ANKFY1: variants seen among roughly 807,000 people sequenced by gnomAD.
ANKFY1 encodes the protein ankyrin repeat and FYVE domain-containing protein 1.
In ANKFY1, 47 loss-of-function variants were observed where a neutral mutation model predicts 128.3. The ratio of observed to expected loss-of-function variants is 0.37; its 90% CI spans 0.29 to 0.47. The LOEUF (loss-of-function observed/expected upper bound fraction) is 0.47, where lower values mean the gene tolerates loss of function less well. Among genes scored for constraint, ANKFY1 ranks in the 20% least tolerant of loss-of-function variants. The pLI, the probability that ANKFY1 is intolerant of heterozygous loss-of-function variation, is 1.00. For missense variants in ANKFY1, 1,222 were observed against 1,510.6 expected, an observed-to-expected ratio of 0.81 and a Z score of 3.17; for synonymous variants, 553 against 601.6, an observed-to-expected ratio of 0.92 and a Z score of 1.18.
intron 2 of ANKFY1, among the ~76,000 whole-genome samples, chr17:4,238,152 T>TAAAA (rs55944256): frequency 2.2e-5 from 2 of 92,690 alleles, no homozygotes; most frequent in South Asian, 4.2e-4. Flanking sequence ...CTTATTTATT[T>TAAAA]AAAAAAAAAA....
At chr17:4,227,168 C>A (rs1332119212) in intron 3 of ANKFY1, among the ~76,000 whole-genome samples, 2 of 151,994 alleles carry the variant, frequency 1.3e-5, no homozygotes, top group African/African-American at 4.8e-5. Flanking sequence ...GCAATAACAT[C>A]AATCTTAGAA....
chr17:4,180,048 T>C (rs1169188273), intron 16 of ANKFY1, 171 bp from the exon 17 acceptor site: 3 of 789,790 alleles, frequency 3.8e-6, no homozygotes, highest in African/African-American at 3.5e-5. Flanking sequence ...TCCACTCCCA[T>C]AGATTCTTCT....
chr17:4,225,898 C>G (rs533219342), intron 3 of ANKFY1, among the ~76,000 whole-genome samples: 10 of 152,188 alleles, frequency 6.6e-5, no homozygotes, highest in African/African-American at 2.4e-4. Flanking sequence ...GTAACTGGGA[C>G]CACAGGTGAG....
chr17:4,249,172 C>T (rs1428845422), intron 1 of ANKFY1: 2 of 976,074 alleles, frequency 2.0e-6, no homozygotes, highest in Non-Finnish European at 2.4e-6. Context: ...CAGGAGTTGG[C>T]ATACTTTCCG....
chr17:4,194,745 G>C, intron 10 of ANKFY1: 1 of 529,976 alleles, frequency 1.9e-6, no homozygotes. Context: ...GCGAGTCGCC[G>C]CATTAAATAA....
At chr17:4,256,242 C>T (rs9674707) in intron 1 of ANKFY1, among the ~76,000 whole-genome samples, 144,037 of 152,070 alleles carry the variant, frequency 0.95, 68,739 homozygotes, top group East Asian at 1. Flanking sequence ...TCCTGGCTAA[C>T]AGAGTGAAAC....
chr17:4,168,107 A>C, intron 24 of ANKFY1, 196 bp from the exon 25 acceptor site: 1 of 541,102 alleles, frequency 1.8e-6, no homozygotes, highest in East Asian at 3.1e-5. Flanking sequence ...CTAGTCAATC[A>C]TCAAGTTAAA....
At chr17:4,195,518 AG>A in intron 8 of ANKFY1, 47 bp from the exon 9 acceptor site, 1 of 1,494,280 alleles carries the variant, frequency 6.7e-7, no homozygotes, top group Non-Finnish European at 9.3e-7. Flanking sequence ...AGGCCTGTTC[AG>A]GATGACTCAC....
At chr17:4,174,899 AG>A (rs1309694951) in intron 19 of ANKFY1, among the ~76,000 whole-genome samples, 2 of 151,886 alleles carry the variant, frequency 1.3e-5, no homozygotes, top group Non-Finnish European at 2.9e-5. Flanking sequence ...ATTAAAAAAA[AG>A]AAAAATTCTG....
At chr17:4,177,405 C>A (rs2059428161) in intron 18 of ANKFY1, 103 bp from the exon 19 acceptor site, 7 of 1,066,388 alleles carry the variant, frequency 6.6e-6, no homozygotes, top group Admixed American at 2.8e-5. Context: ...ACGATGGAGA[C>A]CTTCCCTCAG....
At chr17:4,232,422 G>C (rs2060528931) in intron 3 of ANKFY1, among the ~76,000 whole-genome samples, 1 of 152,056 alleles carries the variant, frequency 6.6e-6, no homozygotes, top group Admixed American at 6.6e-5. Flanking sequence ...TACCACCTTG[G>C]ACCTCTCCCC....
intron 3 of ANKFY1, chr17:4,223,895 C>A: frequency 1.5e-6 from 1 of 680,962 alleles, no homozygotes. Context: ...GTATCTAACA[C>A]CACGCCAACA....
At chr17:4,205,356 T>C (rs2143014810) in intron 7 of ANKFY1, among the ~76,000 whole-genome samples, 1 of 152,260 alleles carries the variant, frequency 6.6e-6, no homozygotes, top group Non-Finnish European at 1.5e-5. Flanking sequence ...TCAGCCCAGA[T>C]CCATTTGGGA....
chr17:4,210,357 T>C (rs568165813), intron 4 of ANKFY1, among the ~76,000 whole-genome samples: 1 of 152,160 alleles, frequency 6.6e-6, no homozygotes, highest in Non-Finnish European at 1.5e-5. Flanking sequence ...ATGCAAACAG[T>C]GTGTCTTAGA....
intron 3 of ANKFY1, among the ~76,000 whole-genome samples, chr17:4,230,854 C>A (rs1237228001): frequency 6.6e-6 from 1 of 152,102 alleles, no homozygotes; most frequent in Admixed American, 6.5e-5. Flanking sequence ...CCCCATATGC[C>A]CTTTACTCAT....
intron 7 of ANKFY1, among the ~76,000 whole-genome samples, chr17:4,201,031 T>C (rs535729458): frequency 6.6e-6 from 1 of 152,152 alleles, no homozygotes; most frequent in South Asian, 2.1e-4. Context: ...TTTGCTTTTG[T>C]TTTGGTTTTT....
intron 4 of ANKFY1, among the ~76,000 whole-genome samples, chr17:4,210,632 C>T (rs2060109939): frequency 7.8e-6 from 1 of 128,870 alleles, no homozygotes; most frequent in Non-Finnish European, 1.6e-5. Context: ...CGCTTGAACC[C>T]AGGAGGCGGA....
intron 19 of ANKFY1, among the ~76,000 whole-genome samples, chr17:4,175,571 A>G (rs2059398367): frequency 1.3e-5 from 2 of 152,188 alleles, no homozygotes; most frequent in South Asian, 4.1e-4. Flanking sequence ...CCGTGTGTAC[A>G]GGCACTGCCT....
chr17:4,172,199 C>T (rs2059334093), intron 22 of ANKFY1, among the ~76,000 whole-genome samples: 1 of 152,144 alleles, frequency 6.6e-6, no homozygotes, highest in Non-Finnish European at 1.5e-5. Flanking sequence ...ACATTTCTTC[C>T]TTTTGAAGAT....
Sources: allele counts gnomAD v4.1 joint callset (sites outside exome capture counted in the v4.1 genomes callset), GRCh38; gene constraint gnomAD v4.1.1; transcripts MANE v1.5; gene names NCBI Gene and HGNC (gene_info 2026-07-23, HGNC 2026-07-21).